PCDH15: variants seen among roughly 807,000 people sequenced by gnomAD.
The protein encoded by PCDH15 is protocadherin-15.
Under a neutral mutation model 178.5 loss-of-function variants are expected in PCDH15, and 129 were observed. That is an observed-to-expected ratio of 0.72 (90% confidence interval 0.63 to 0.84). The LOEUF is 0.84. PCDH15 is among the 40% of genes least tolerant of loss of function. The pLI is 0.00. For missense variants in PCDH15, 2,230 were observed against 2,099.9 expected (o/e 1.06, Z -1.21); for synonymous variants, 800 against 732.0 (o/e 1.09, Z -1.50).
At chr10:54,552,606 G>C (rs770174786) in intron 2 of PCDH15, among the ~76,000 whole-genome samples, 5 of 152,026 alleles carry the variant, frequency 3.3e-5, no homozygotes, top group African/African-American at 4.8e-5. Context: ...TTCCTTATTG[G>C]TAAAAAATGT....
intron 1 of PCDH15, among the ~76,000 whole-genome samples, chr10:55,175,231 T>C (rs1028318015): frequency 6.6e-6 from 1 of 152,152 alleles, no homozygotes; most frequent in Non-Finnish European, 1.5e-5. Flanking sequence ...TACTCCAAAC[T>C]ATCCATGATA....
At chr10:54,812,190 C>T (rs1326495119) in intron 3 of PCDH15, among the ~76,000 whole-genome samples, 1 of 151,646 alleles carries the variant, frequency 6.6e-6, no homozygotes, top group Non-Finnish European at 1.5e-5. Flanking sequence ...AAAACTCTCC[C>T]AATACCAGCT....
chr10:55,502,532 G>T (rs1038004865), intron 2 of PCDH15, among the ~76,000 whole-genome samples: 1 of 151,692 alleles, frequency 6.6e-6, no homozygotes, highest in Non-Finnish European at 1.5e-5. Flanking sequence ...TTATTGCGCA[G>T]TGATAAAGTT....
At chr10:54,798,952 C>T (rs2133682681) in intron 1 of PCDH15, among the ~76,000 whole-genome samples, 1 of 152,072 alleles carries the variant, frequency 6.6e-6, no homozygotes, top group Non-Finnish European at 1.5e-5. Context: ...ACTCATCTAC[C>T]CAATAAAGTA....
chr10:55,014,181 G>A lies in PCDH15; in HGVS notation c.-79-116681C>T, dbSNP rs1840115049. 2.6e-5 allele frequency among the ~76,000 whole-genome samples: 4 copies of A among 151,944 alleles called. No individual in the cohort carries two copies. The South Asian group carries it at 8.3e-4, about 31-fold the overall frequency. ...ACTGGATAATACTAACACTCTCAAA[G>A]GGAGGAATACACCTTGAAATTTTTT... On this transcript the variant is annotated intron_variant, in intron 2 of 5. Coordinates refer to the PCDH15 transcript ENST00000458638.
intron 3 of PCDH15, among the ~76,000 whole-genome samples, chr10:54,813,964 T>C (rs1299328867): frequency 6.6e-6 from 1 of 152,196 alleles, no homozygotes; most frequent in African/African-American, 2.4e-5. Context: ...TAATAAAGCA[T>C]GTCACAATCA....
chr10:53,809,370 T>C (rs1438262208), intron 37 of PCDH15: 6 of 1,613,886 alleles, frequency 3.7e-6, no homozygotes, highest in African/African-American at 1.3e-5. Context: ...CAACGATTCC[T>C]CTTTTATCAG....
intron 3 of PCDH15, among the ~76,000 whole-genome samples, chr10:54,392,850 G>T (rs540530747): frequency 6.2e-5 from 9 of 144,426 alleles, no homozygotes; most frequent in Non-Finnish European, 1.3e-4. Flanking sequence ...AGTGAGCCGT[G>T]ATTATGCCAC....
chr10:54,424,669 C>T (rs1319700242), intron 3 of PCDH15, among the ~76,000 whole-genome samples: 1 of 152,010 alleles, frequency 6.6e-6, no homozygotes, highest in Admixed American at 6.6e-5. Context: ...CCATGGAATA[C>T]TATGCAGCCA....
At chr10:54,918,521 G>A (rs577490792) in intron 2 of PCDH15, among the ~76,000 whole-genome samples, 1 of 152,252 alleles carries the variant, frequency 6.6e-6, no homozygotes, top group African/African-American at 2.4e-5. Flanking sequence ...AAAAGGAGCA[G>A]TGCCTTTGTG....
intron 2 of PCDH15, among the ~76,000 whole-genome samples, chr10:54,662,130 G>A (rs1378551329): frequency 1.3e-5 from 2 of 151,834 alleles, no homozygotes; most frequent in African/African-American, 2.4e-5. Flanking sequence ...TATAGTATGG[G>A]AGAAAATATT....
At position 54,122,002 on chromosome 10, in the gene PCDH15, T is replaced by TACACACACACACAC. The variant is rs57135050; in HGVS notation, c.1917+10859_1917+10872dup. ...AATATCTAAACCGGGCAAAGACACA[T>TACACACACACACAC]ACACACACACACACACACACACACA... is the stretch of plus-strand genomic sequence containing the variant. On this transcript the variant is annotated intron_variant, in intron 15 of 37. Coordinates refer to ENST00000644397, the MANE Select transcript of PCDH15 (RefSeq NM_001384140.1). Among the ~76,000 whole-genome samples the TACACACACACACAC allele has an allele frequency of 7.8e-3, 1,144 of 146,434 alleles. 5 individuals carry two copies. Among genetic ancestry groups the TACACACACACACAC allele is most frequent in the African/African-American group, 0.013 (518 of 39,482 alleles).
chr10:54,835,540 A>G (rs1408943834), intron 3 of PCDH15, among the ~76,000 whole-genome samples: 3 of 152,152 alleles, frequency 2.0e-5, no homozygotes, highest in African/African-American at 7.2e-5. Flanking sequence ...TATCCCTACT[A>G]AGACAAACAC....
chr10:54,444,958 A>G (rs1445282275), intron 3 of PCDH15, among the ~76,000 whole-genome samples: 1 of 151,470 alleles, frequency 6.6e-6, no homozygotes, highest in Non-Finnish European at 1.5e-5. Context: ...TCCTTACTTA[A>G]TCTGACAAAA....
chr10:54,080,780 A>C (rs2094426120), intron 16 of PCDH15, among the ~76,000 whole-genome samples: 1 of 152,304 alleles, frequency 6.6e-6, no homozygotes, highest in Non-Finnish European at 1.5e-5. Context: ...AAATAATTGA[A>C]AACCAGTTCC....
intron 2 of PCDH15, among the ~76,000 whole-genome samples, chr10:54,560,493 T>TG (rs2087966653): frequency 6.6e-6 from 1 of 152,078 alleles, no homozygotes; most frequent in Non-Finnish European, 1.5e-5. Flanking sequence ...GTTTTTTTTA[T>TG]GTACAACACT....
chr10:55,062,779 C>T (rs577915693), intron 2 of PCDH15, among the ~76,000 whole-genome samples: 143 of 152,196 alleles, frequency 9.4e-4, no homozygotes, highest in African/African-American at 3.0e-3. Flanking sequence ...TCAATTGCAA[C>T]ATATGTACCA....
At chr10:53,930,185 G>A (rs751950661) in intron 25 of PCDH15, among the ~76,000 whole-genome samples, 25 of 151,496 alleles carry the variant, frequency 1.7e-4, no homozygotes, top group East Asian at 5.9e-4. Flanking sequence ...TCGGCTGGGC[G>A]CGGTGGTTCA....
intron 2 of PCDH15, among the ~76,000 whole-genome samples, chr10:55,537,102 G>A (rs905987966): frequency 1.3e-5 from 2 of 151,746 alleles, no homozygotes; most frequent in South Asian, 4.2e-4. Flanking sequence ...GATCATTCCT[G>A]GTAAAAATAT....
Sources: gnomAD v4.1 joint callset for allele counts (sites outside exome capture counted in the v4.1 genomes callset) on GRCh38, gnomAD v4.1.1 for gene constraint, MANE v1.5 for transcripts, NCBI Gene and HGNC (gene_info 2026-07-23, HGNC 2026-07-21) for gene names.